Variants in PARD6G observed in about 807,000 individuals in gnomAD.
PARD6G encodes the protein partitioning defective 6 homolog gamma.
A neutral mutation model predicts 10.7 loss-of-function variants in PARD6G; 7 were observed. The observed-to-expected ratio is 0.66, with a 90% CI of 0.37 to 1.23. The LOEUF is 1.23. Ranked by LOEUF, PARD6G falls within the 50% of genes most tolerant of loss-of-function variation. PARD6G has a pLI of 0.02. For synonymous variants in PARD6G, 287 were observed against 269.4 expected (o/e 1.07, Z -0.64); for missense variants, 548 against 571.8 (o/e 0.96, Z 0.42).
rs1036416355 is a variant in PARD6G at position 80,201,485 on chromosome 18, C to T, written c.295+1225G>A. On this transcript the variant is annotated intron_variant, in intron 2 of 2. Transcript: ENST00000353265. This position sits in a 1 kb window ranked among gnomAD's most constrained non-coding sequence, Gnocchi z 5.9. ...CTGATGTGGAAGCTGAAGCTCAGCC[C>T]GTCCCCCAGGCCACTGTGAGGAAGT... Among the ~76,000 whole-genome samples, 2 of 152,176 alleles carry T rather than the reference C, an allele frequency of 1.3e-5. No homozygotes were observed. Among genetic ancestry groups the T allele is most frequent in the South Asian group, 2.1e-4 (1 of 4,828 alleles).
chr18:80,221,549 C>G (rs907236164), intron 1 of PARD6G, among the ~76,000 whole-genome samples: 6 of 152,090 alleles, frequency 3.9e-5, no homozygotes, highest in African/African-American at 1.4e-4. Context: ...TAGAAAGAGA[C>G]TTCTTCATCC....
At chr18:80,170,853 C>T (rs1282423155) in intron 2 of PARD6G, 1 of 152,206 alleles carries the variant, frequency 6.6e-6, no homozygotes, top group Non-Finnish European at 1.5e-5. Context: ...CAGGTCCAAT[C>T]TGTGCACTTG....
chr18:80,165,809 C>T (rs918597143), intron 2 of PARD6G, among the ~76,000 whole-genome samples: 6 of 152,302 alleles, frequency 3.9e-5, no homozygotes, highest in African/African-American at 4.8e-5. Context: ...CCACTGGGTG[C>T]GCTGGCTCAC....
chr18:80,232,365 C>T (rs1054714078), intron 1 of PARD6G, among the ~76,000 whole-genome samples: 4 of 152,146 alleles, frequency 2.6e-5, no homozygotes, highest in South Asian at 2.1e-4. Flanking sequence ...TGTATTAGTC[C>T]GTTTTCACGC....
intron 2 of PARD6G, among the ~76,000 whole-genome samples, chr18:80,167,030 C>T (rs563492679): frequency 7.2e-5 from 11 of 152,228 alleles, no homozygotes; most frequent in African/African-American, 2.2e-4. Flanking sequence ...CGTGTGTCAC[C>T]GTATGGAATA....
Position 80,200,327 on chromosome 18 carries a change from T to C in PARD6G, c.295+2383A>G, listed in dbSNP as rs1303635272. On this transcript the variant is annotated intron_variant, in intron 2 of 2. Coordinates refer to ENST00000353265, the MANE Select transcript of PARD6G (RefSeq NM_032510.4). The surrounding 1 kb of genome is among the most constrained non-coding windows in gnomAD (Gnocchi z 4.4). ...CCCCTGACTGCCACCTGGAATGTCG[T>C]CATCTTTACAGTCAAATCCACTGAG... Among the ~76,000 whole-genome samples the C allele has an allele frequency of 1.3e-5, 2 of 152,144 alleles. No homozygotes were observed. The highest frequency in any genetic ancestry group is 3.9e-4 in the East Asian group (2 of 5,188).
In PARD6G at chr18:80,159,538, G is replaced by T; in HGVS notation, c.*233C>A. 1.9e-6 allele frequency: 1 copy of T among 524,008 alleles called. No individual in the cohort carries two copies. The highest frequency in any genetic ancestry group is 2.9e-6 in the Non-Finnish European group (1 of 345,212). 32.5% of individuals were successfully genotyped at this position (524,008 alleles called of 1,614,324 possible). ...TTCTATCACTTTGCAAAGGCGCCAAGACCTGCACTCAGGCCTGGTATAGAG... is the reference window on the plus strand; with the variant it reads ...TTCTATCACTTTGCAAAGGCGCCAATACCTGCACTCAGGCCTGGTATAGAG... On this transcript the variant is annotated 3_prime_UTR_variant, in exon 3 of 3. Transcript: ENST00000353265.
rs764407749 is a variant in PARD6G at position 80,160,508 on chromosome 18, G to C, written c.394C>G (p.Leu132Val). The C allele has an allele frequency of 2.0e-6, 3 of 1,536,798 alleles. No individual in the cohort carries two copies. Among genetic ancestry groups the C allele is most frequent in the South Asian group, 2.6e-5 (2 of 78,208 alleles). ...AAGTCGCGCGGGAGGCCGATGTCCA[G>C]GTGTGCACGCCGCCGGGGTCCTTCA... is the stretch of plus-strand genomic sequence containing the variant. ...RDEGPRRRAH[L>V]DIGLPRDFRP... Residue 132 changes from leucine (L) to valine (V), a missense_variant, in exon 3 of 3, where the codon CTG (leucine) becomes GTG (valine). Coordinates refer to ENST00000353265, the MANE Select transcript of PARD6G (RefSeq NM_032510.4).
At chr18:80,211,695 C>T (rs1803577745) in intron 1 of PARD6G, among the ~76,000 whole-genome samples, 1 of 152,192 alleles carries the variant, frequency 6.6e-6, no homozygotes, top group African/African-American at 2.4e-5. Context: ...AAAGGTGACA[C>T]ATACATACAA....
At chr18:80,218,027 T>C (rs767901538) in intron 1 of PARD6G, among the ~76,000 whole-genome samples, 4 of 152,058 alleles carry the variant, frequency 2.6e-5, no homozygotes, top group Non-Finnish European at 5.9e-5. Flanking sequence ...TTCAATTACC[T>C]CCCACCAGAT....
intron 2 of PARD6G, chr18:80,197,301 C>G (rs552943028): frequency 6.6e-6 from 1 of 152,342 alleles, no homozygotes; most frequent in African/African-American, 2.4e-5. Context: ...ACTTGAAAAT[C>G]CTGCCAGTGT....
intron 1 of PARD6G, among the ~76,000 whole-genome samples, chr18:80,218,777 G>C (rs1479393081): frequency 6.6e-6 from 1 of 152,252 alleles, no homozygotes; most frequent in Non-Finnish European, 1.5e-5. Context: ...CCCTGCAGCA[G>C]ACTTCTGCCT....
intron 1 of PARD6G, among the ~76,000 whole-genome samples, chr18:80,207,812 T>A (rs1388254376): frequency 2.0e-5 from 3 of 152,190 alleles, no homozygotes; most frequent in African/African-American, 7.2e-5. Context: ...TTTATACATA[T>A]TTTTTGTTGC....
At position 80,219,572 on chromosome 18, in the gene PARD6G, C is replaced by G. The variant is rs528002344; in HGVS notation, c.73-16640G>C. ...TCCAAACTTTTATGCTCTGGTTCCT[C>G]TTGAATGCTTTGCTAGTTAGGAATT... On this transcript the variant is annotated intron_variant, in intron 1 of 2. Transcript: ENST00000353265. 5.9e-5 allele frequency among the ~76,000 whole-genome samples: 9 copies of G among 152,284 alleles called. No individual in the cohort carries two copies. In the South Asian group the frequency reaches 1.9e-3, roughly 32 times the overall value.
chr18:80,181,090 A>G lies in PARD6G; in HGVS notation c.296-20484T>C, dbSNP rs558392080. ...TCACGCGCGATCTCGACATTAGAAC[A>G]TGGGCTGCGACCGGAGAAGCAGCCT... On this transcript the variant is annotated intron_variant, in intron 2 of 2. Transcript: ENST00000353265. The surrounding 1 kb of genome is among the most constrained non-coding windows in gnomAD (Gnocchi z 7.9). Among the ~76,000 whole-genome samples the G allele has an allele frequency of 1.1e-4, 16 of 152,282 alleles. No homozygotes were observed. Among genetic ancestry groups the G allele is most frequent in the Admixed American group, 5.9e-4 (9 of 15,302 alleles).
chr18:80,160,538 G>T lies in PARD6G; in HGVS notation c.364C>A (p.Arg122Ser), dbSNP rs1425445779. The change falls in exon 3 of 3, where the codon CGT becomes AGT. Residue 122 changes from arginine (R) to serine (S), a missense_variant. By Grantham distance (110) the Arg-to-Ser change is moderately radical. Coordinates refer to ENST00000353265, the MANE Select transcript of PARD6G (RefSeq NM_032510.4). ...GCACGCCGCCGGGGTCCTTCATCAC[G>T]CAGCGCGCCCAGCGCCCGCCTCCGC... is the stretch of plus-strand genomic sequence containing the variant. ...CRRRRALGALRDEGPRRRAHL... is the reference protein window; with the variant it reads ...CRRRRALGALSDEGPRRRAHL... The T allele has an allele frequency of 2.0e-6, 3 of 1,502,564 alleles. No individual in the cohort carries two copies. Among genetic ancestry groups the T allele is most frequent in the African/African-American group, 2.8e-5 (2 of 71,714 alleles). 93.1% of individuals were successfully genotyped at this position (1,502,564 alleles called of 1,614,324 possible).
At chr18:80,216,449 GA>G (rs1967166909) in intron 1 of PARD6G, among the ~76,000 whole-genome samples, 1 of 151,952 alleles carries the variant, frequency 6.6e-6, no homozygotes, top group South Asian at 2.1e-4. Context: ...AATGAAATTA[GA>G]AATCAATAAA....
intron 1 of PARD6G, among the ~76,000 whole-genome samples, chr18:80,218,442 G>A (rs1241092934): frequency 1.3e-5 from 2 of 152,152 alleles, no homozygotes; most frequent in East Asian, 1.9e-4. Context: ...GTTCCAAAAC[G>A]ATCTCCTTTG....
chr18:80,206,624 A>G (rs574745378), intron 1 of PARD6G, among the ~76,000 whole-genome samples: 2 of 152,372 alleles, frequency 1.3e-5, no homozygotes, highest in African/African-American at 4.8e-5. Flanking sequence ...CAACCTGTTG[A>G]GAGTTCAAAG....
Sources: gnomAD v4.1 joint callset for allele counts (sites outside exome capture counted in the v4.1 genomes callset) on GRCh38, gnomAD v4.1.1 for gene constraint, Gnocchi (gnomAD v3.1) non-coding constraint, MANE v1.5 for transcripts, NCBI Gene and HGNC (gene_info 2026-07-23, HGNC 2026-07-21) for gene names.